The following ARID1B variants were observed in gnomAD, a reference collection of about 807,000 sequenced individuals.
The protein encoded by ARID1B is AT-rich interactive domain-containing protein 1B.
In ARID1B, 30 loss-of-function variants were observed where a neutral mutation model predicts 212.3. The observed-to-expected ratio is 0.14, with a 90% CI of 0.11 to 0.19. The LOEUF is 0.19. ARID1B is among the 10% of genes least tolerant of loss of function. ARID1B has a pLI of 1.00. For synonymous variants in ARID1B, 1,402 were observed against 1,301.7 expected (o/e 1.08, Z -1.66); for missense variants, 2,891 against 3,204.0 (o/e 0.90, Z 2.36).
chr6:157,078,676 G>A (rs1171678762), intron 4 of ARID1B, among the ~76,000 whole-genome samples: 2 of 152,134 alleles, frequency 1.3e-5, no homozygotes, highest in Non-Finnish European at 2.9e-5. Context: ...TTAACCCAAG[G>A]ACCTTTGAGA....
chr6:157,039,666 C>CTTCCTTCCTTCCTTCT (rs780130222), intron 4 of ARID1B, among the ~76,000 whole-genome samples: 4 of 49,384 alleles, frequency 8.1e-5, no homozygotes, highest in African/African-American at 5.8e-4. Context: ...TCCTTCCTTC[C>CTTCCTTCCTTCCTTCT]TTCCTTCCTT....
rs1380667288 is a variant in ARID1B at position 157,148,890 on chromosome 6, C to T, written c.3028C>T (p.Arg1010Cys). Reference sequence around the variant, plus strand: ...GGGGCCGCCAATGCCAACTGTGAACCGTAAGGCACAGGAGGCAGCCGCAGC... The same window carrying T: ...GGGGCCGCCAATGCCAACTGTGAACTGTAAGGCACAGGAGGCAGCCGCAGC... ...GMGPPMPTVNRKAQEAAAAVM... is the reference protein window; with the variant it reads ...GMGPPMPTVNCKAQEAAAAVM... Residue 1010 changes from arginine to cysteine, a missense_variant, in exon 8 of 20, where the codon CGT (arginine) becomes TGT (cysteine). By Grantham distance (180) the Arg-to-Cys change is radical. Coordinates refer to ENST00000636930, the MANE Select transcript of ARID1B (RefSeq NM_001374828.1). This position sits in a 1 kb window ranked among gnomAD's most constrained non-coding sequence, Gnocchi z 5.6. 1.9e-6 allele frequency: 3 copies of T among 1,612,780 alleles called. No homozygotes were observed. Among genetic ancestry groups the T allele is most frequent in the African/African-American group, 1.3e-5 (1 of 74,916 alleles).
intron 6 of ARID1B, among the ~76,000 whole-genome samples, chr6:157,129,807 A>C (rs920945569): frequency 1.3e-5 from 2 of 152,216 alleles, no homozygotes; most frequent in Non-Finnish European, 2.9e-5. Context: ...CTAGGTAAGA[A>C]TTCTTAGCAC....
intron 3 of ARID1B, among the ~76,000 whole-genome samples, chr6:156,913,988 C>CTTCTGAGATTACCTT: frequency 6.6e-6 from 1 of 150,790 alleles, no homozygotes; most frequent in Non-Finnish European, 1.5e-5. Flanking sequence ...CTACTCTCCA[C>CTTCTGAGATTACCTT]TCCCCAACTC....
chr6:157,203,878 C>T lies in ARID1B; in HGVS notation c.5276C>T (p.Ala1759Val), dbSNP rs1022849043. 6.2e-6 allele frequency: 10 copies of T among 1,614,054 alleles called. No individual in the cohort carries two copies. Among genetic ancestry groups the T allele is most frequent in the Admixed American group, 1.7e-5 (1 of 60,008 alleles). The change falls in exon 19 of 20, where the codon GCG becomes GTG. Residue 1759 changes from alanine (A) to valine (V), a missense_variant. Physicochemically the swap from Ala to Val is moderately conservative, Grantham distance 64. Transcript: ENST00000636930. This position sits in a 1 kb window ranked among gnomAD's most constrained non-coding sequence, Gnocchi z 4.4. ...ITSKDIVTPE[A>V]WRVMMSLKSG... is the part of the protein sequence containing the mutation. ...TCCCCATCTTCAGTTACTCCTGAGGCGTGGCGTGTGATGATGTCCCTTAAA... is the reference window on the plus strand; with the variant it reads ...TCCCCATCTTCAGTTACTCCTGAGGTGTGGCGTGTGATGATGTCCCTTAAA...
intron 4 of ARID1B, among the ~76,000 whole-genome samples, chr6:157,066,686 A>G (rs1783696862): frequency 6.6e-6 from 1 of 152,156 alleles, no homozygotes; most frequent in South Asian, 2.1e-4. Flanking sequence ...GTTCCAGTGG[A>G]AGATCTGGGA....
chr6:156,934,484 TTTTTGGGTGTG>T (rs1400190498), intron 3 of ARID1B, among the ~76,000 whole-genome samples: 2 of 152,148 alleles, frequency 1.3e-5, no homozygotes, highest in African/African-American at 2.4e-5. Flanking sequence ...CTATTCAGGT[TTTTTGGGTGTG>T]TTTTGTTCCC....
chr6:157,039,363 G>A (rs1328607770), intron 4 of ARID1B, among the ~76,000 whole-genome samples: 19 of 91,112 alleles, frequency 2.1e-4, no homozygotes, highest in African/African-American at 7.9e-4. Context: ...TCGCTCTGTC[G>A]CCCAGGCCGG....
At position 156,831,663 on chromosome 6, in the gene ARID1B, C is replaced by T. The variant is rs556556379; in HGVS notation, c.1986+2242C>T. On this transcript the variant is annotated intron_variant, in intron 2 of 19. Transcript: ENST00000636930. Reference sequence around the variant, plus strand: ...AGAGTAATCTCAATTTTCTTAGCTTCTTCCATTTATTTAATCCCTGTGACT... The same window carrying T: ...AGAGTAATCTCAATTTTCTTAGCTTTTTCCATTTATTTAATCCCTGTGACT... Among the ~76,000 whole-genome samples the T allele has an allele frequency of 7.2e-5, 11 of 152,320 alleles. No homozygotes were observed. The East Asian group carries it at 2.1e-3, about 29-fold the overall frequency.
intron 8 of ARID1B, among the ~76,000 whole-genome samples, chr6:157,163,404 C>T (rs138562618): frequency 0.011 from 1,651 of 152,352 alleles, 21 homozygotes; most frequent in African/African-American, 0.037. Context: ...CCGCTGTCTC[C>T]ACTAACCAAA....
At chr6:157,110,790 T>C (rs886795553) in intron 6 of ARID1B, 2 of 577,092 alleles carry the variant, frequency 3.5e-6, no homozygotes, top group East Asian at 2.9e-5. Context: ...GCCCAAAGAA[T>C]GTGTGTGTCC....
At chr6:156,988,093 G>T (rs1778045319) in intron 4 of ARID1B, among the ~76,000 whole-genome samples, 1 of 152,134 alleles carries the variant, frequency 6.6e-6, no homozygotes, top group Non-Finnish European at 1.5e-5. Flanking sequence ...TGATCTATTG[G>T]AATTCAGATT....
intron 4 of ARID1B, among the ~76,000 whole-genome samples, chr6:157,049,175 GAAAA>G (rs375616004): frequency 1.7e-5 from 2 of 116,980 alleles, no homozygotes; most frequent in South Asian, 3.2e-4. Flanking sequence ...TCAGTCTGGA[GAAAA>G]AAAAAAAAAA....
chr6:156,857,236 TG>T (rs1231869956), intron 2 of ARID1B, among the ~76,000 whole-genome samples: 57 of 152,306 alleles, frequency 3.7e-4, no homozygotes, highest in Admixed American at 1.2e-3. Flanking sequence ...AGTTTTGAAG[TG>T]TCAAAAGCTG....
rs1042071912 is a variant in ARID1B, at chr6:157,144,943, G to C, written c.2762-3681G>C. Among the ~76,000 whole-genome samples, 16 of 152,308 alleles carry C rather than the reference G, an allele frequency of 1.1e-4. No individual in the cohort carries two copies. The South Asian group carries it at 1.2e-3, about 12-fold the overall frequency. ...CAAACTTCAGCTGTGCAAAAGCAGT[G>C]CCTCTTCACGCCGAAGCAGTTTGCC... On this transcript the variant is annotated intron_variant, in intron 7 of 19. Coordinates refer to ENST00000636930, the MANE Select transcript of ARID1B (RefSeq NM_001374828.1).
intron 2 of ARID1B, among the ~76,000 whole-genome samples, chr6:156,844,872 C>T (rs1465791176): frequency 3.9e-5 from 6 of 152,130 alleles, no homozygotes; most frequent in Admixed American, 3.9e-4. Context: ...TTGATAACTG[C>T]CCATTATTTT....
intron 2 of ARID1B, among the ~76,000 whole-genome samples, chr6:156,897,208 TGCTGCTGCTG>T (rs1788493566): frequency 3.9e-5 from 3 of 77,814 alleles, no homozygotes; most frequent in South Asian, 4.3e-4. Context: ...CTGCTGCTGC[TGCTGCTGCTG>T]CTTCTTCTTC....
chr6:156,829,546 T>C, intron 2 of ARID1B, 125 bp downstream of exon 2: 1 of 1,109,304 alleles, frequency 9.0e-7, no homozygotes, highest in Non-Finnish European at 1.2e-6. Flanking sequence ...CTTTAATTTT[T>C]ATTGTTTCTT....
chr6:156,790,005 GC>G (rs1779907821), intron 1 of ARID1B, among the ~76,000 whole-genome samples: 1 of 152,226 alleles, frequency 6.6e-6, no homozygotes, highest in Admixed American at 6.5e-5. Flanking sequence ...TTACTTAGCA[GC>G]CTATCGGTCT....
Sources: allele counts gnomAD v4.1 joint callset (sites outside exome capture counted in the v4.1 genomes callset), GRCh38; gene constraint gnomAD v4.1.1; non-coding constraint Gnocchi (gnomAD v3.1); transcripts MANE v1.5; gene names NCBI Gene and HGNC (gene_info 2026-07-23, HGNC 2026-07-21).